CTC1: variants seen among roughly 807,000 people sequenced by gnomAD.
CTC1 encodes CST complex subunit CTC1.
In CTC1, 91 loss-of-function variants were observed where a neutral mutation model predicts 136.3. The ratio of observed to expected loss-of-function variants is 0.67; its 90% CI spans 0.56 to 0.79. The LOEUF is 0.79. Among genes scored for constraint, CTC1 ranks in the 30% least tolerant of loss-of-function variants. CTC1 has a pLI of 0.00. For synonymous variants in CTC1, 606 were observed against 613.8 expected, an observed-to-expected ratio of 0.99 and a Z score of 0.19; for missense variants, 1,432 against 1,498.1, an observed-to-expected ratio of 0.96 and a Z score of 0.73.
At position 8,234,397 on chromosome 17, in the gene CTC1, G is replaced by A. The variant is rs1424775160; in HGVS notation, c.1818+58C>T. On this transcript the variant is annotated intron_variant, in intron 10 of 22. Coordinates refer to ENST00000651323, the MANE Select transcript of CTC1 (RefSeq NM_025099.6). ...AAAGATAGTAACCGAGACTAGAGTC[G>A]TGGCAATAAGGATGACAAAAAGGGA... is the stretch of plus-strand genomic sequence containing the variant. 33 of 1,468,180 alleles carry A rather than the reference G, an allele frequency of 2.2e-5. No homozygotes were observed. The East Asian group carries it at 2.5e-4, about 11-fold the overall frequency. 90.9% of individuals were successfully genotyped at this position (1,468,180 alleles called of 1,614,324 possible). A position where few individuals can be genotyped will look rare whatever the true frequency, so the allele number is the denominator to read the frequency against.
At position 8,228,783 on chromosome 17, in the gene CTC1, C is replaced by T. The variant is rs374284337; in HGVS notation, c.3331G>A (p.Val1111Ile). The change falls in exon 21 of 23, where the codon GTC becomes ATC. Residue 1111 changes from valine (V) to isoleucine (I), a missense_variant. Physicochemically the swap from Val to Ile is conservative, Grantham distance 29 (BLOSUM62 3). Coordinates refer to ENST00000651323, the MANE Select transcript of CTC1 (RefSeq NM_025099.6). Reference protein sequence around the residue: ...PREWASLLDFVQVPGRVVLQF... With the variant: ...PREWASLLDFIQVPGRVVLQF... ...AAGACCACTCTGCCTGGCACTTGGA[C>T]GAAATCTAGGAGGGAGGCCCACTCT... 1.2e-5 allele frequency: 20 copies of T among 1,614,004 alleles called. No individual in the cohort carries two copies. Among genetic ancestry groups the T allele is most frequent in the Middle Eastern group, 1.6e-4 (1 of 6,080 alleles).
In CTC1 at chr17:8,229,079, T is replaced by C. The variant is rs909886338; in HGVS notation, c.3221+63A>G. On this transcript the variant is annotated intron_variant, in intron 20 of 22. Transcript: ENST00000651323. The stretch of plus-strand genomic sequence containing the variant: ...CCAGGAATTATGCTAATGTAGAAAC[T>C]GCAGATAGACAAAGTGGTCTCATAA... 3 of 1,552,492 alleles carry C rather than the reference T, an allele frequency of 1.9e-6. No homozygotes were observed. The African/African-American group carries it at 4.1e-5, about 21-fold the overall frequency.
At chr17:8,241,666 T>C (rs939915778) in intron 2 of CTC1, among the ~76,000 whole-genome samples, 11 of 150,618 alleles carry the variant, frequency 7.3e-5, no homozygotes, top group African/African-American at 2.2e-4. Flanking sequence ...TGCCAACACC[T>C]TGGGAGGCCA....
At chr17:8,238,900 G>A (rs566866387) in intron 2 of CTC1, among the ~76,000 whole-genome samples, 1 of 152,064 alleles carries the variant, frequency 6.6e-6, no homozygotes, top group African/African-American at 2.4e-5. Context: ...AGACCAGCCC[G>A]GCCAACATGG....
rs1321432417 is a variant in CTC1, at chr17:8,231,542, C to T, written c.2476-73G>A. On this transcript the variant is annotated intron_variant, in intron 14 of 22. Transcript: ENST00000651323. ...GTGGGAGGTTCACAAAACATTCTGA[C>T]CCAATTTTGTTCTTTCTGGAGCATG... The T allele has an allele frequency of 3.5e-6, 5 of 1,438,634 alleles. No individual in the cohort carries two copies. The East Asian group carries it at 6.9e-5, about 20-fold the overall frequency. 89.1% of individuals were successfully genotyped at this position (1,438,634 alleles called of 1,614,324 possible).
intron 17 of CTC1, 101 bp from the exon 18 acceptor site, chr17:8,230,069 T>G: frequency 8.6e-7 from 1 of 1,165,084 alleles, no homozygotes; most frequent in South Asian, 1.3e-5. Context: ...CCACTCCCCC[T>G]GAGGGACATA....
Position 8,226,604 on chromosome 17 carries a change from A to C in CTC1, c.*1576T>G, listed in dbSNP as rs530934469. ...TATGGTCAGTATGCTGAAGAAAAAAATATGACGTAGTCGGCAGGATTCGAA... is the reference window on the plus strand; with the variant it reads ...TATGGTCAGTATGCTGAAGAAAAAACTATGACGTAGTCGGCAGGATTCGAA... On this transcript the variant is annotated 3_prime_UTR_variant, in exon 23 of 23. Coordinates refer to ENST00000651323, the MANE Select transcript of CTC1 (RefSeq NM_025099.6). 4.6e-5 allele frequency: 7 copies of C among 152,220 alleles called. No homozygotes were observed. Among genetic ancestry groups the C allele is most frequent in the Non-Finnish European group, 1.0e-4 (7 of 68,046 alleles). The allele number at this position is 152,220 out of a possible 1,614,324, so 9.4% of individuals were successfully genotyped here.
intron 1 of CTC1, chr17:8,247,776 G>A (rs770807791): frequency 1.7e-6 from 1 of 576,910 alleles, no homozygotes; most frequent in Non-Finnish European, 3.2e-6. Context: ...TTAAACCCTA[G>A]AGAGTGAACG....
rs1010496365 is a variant in CTC1, at chr17:8,226,283, G to T, written c.*1897C>A. The T allele has an allele frequency of 6.6e-6, 1 of 152,270 alleles. No homozygotes were observed. Among genetic ancestry groups the T allele is most frequent in the African/African-American group, 2.4e-5 (1 of 41,434 alleles). The allele number at this position is 152,270 out of a possible 1,614,324, so 9.4% of individuals were successfully genotyped here. A position where few individuals can be genotyped will look rare whatever the true frequency, so the allele number is the denominator to read the frequency against. On this transcript the variant is annotated 3_prime_UTR_variant, in exon 23 of 23. Transcript: ENST00000651323. ...AGGATCTCCTGTTTACTAGACAGGC[G>T]CTTTAACCAACTAAGCCACGGCGCC...
chr17:8,231,629 G>C (rs1265769414), intron 14 of CTC1, 97 bp downstream of exon 14: 22 of 1,292,294 alleles, frequency 1.7e-5, no homozygotes, highest in Non-Finnish European at 2.3e-5. Flanking sequence ...CCTTCTTCCA[G>C]GAGGCCTAGA....
chr17:8,248,040 G>A lies in CTC1; in HGVS notation c.-4C>T, dbSNP rs1326764340. On this transcript the variant is annotated 5_prime_UTR_variant, in exon 1 of 23. Transcript: ENST00000651323. ...CCTGGGCCCGGCCAGCCGCCATGAT[G>A]CGCCGGAGCTCCGCCCCCGGGAGGG... 1.1e-5 allele frequency: 18 copies of A among 1,603,554 alleles called. No homozygotes were observed. The African/African-American group carries it at 2.1e-4, about 19-fold the overall frequency.
intron 20 of CTC1, 101 bp from the exon 21 acceptor site, chr17:8,228,993 C>T: frequency 1.3e-6 from 2 of 1,496,292 alleles, no homozygotes; most frequent in Non-Finnish European, 1.8e-6. Flanking sequence ...GTCTTTGGCT[C>T]ACAGATTTAG....
At chr17:8,231,237 A>T in intron 15 of CTC1, 39 bp downstream of exon 15, 2 of 1,466,076 alleles carry the variant, frequency 1.4e-6, no homozygotes, top group Non-Finnish European at 1.8e-6. Flanking sequence ...GAGAAGAGAG[A>T]GTGGCCAAAT....
chr17:8,232,895 G>C lies in CTC1; in HGVS notation c.1945+11C>G, dbSNP rs1228342840. The C allele has an allele frequency of 6.2e-7, 1 of 1,613,238 alleles. No homozygotes were observed. The highest frequency in any genetic ancestry group is 8.5e-7 in the Non-Finnish European group (1 of 1,179,648). ...CCACTACCATCTTCTTTCCACATCT[G>C]AACTCCAAACCTATCAGCCGTGGGT... On this transcript the variant is annotated intron_variant, in intron 11 of 22. Coordinates refer to ENST00000651323, the MANE Select transcript of CTC1 (RefSeq NM_025099.6).
intron 2 of CTC1, among the ~76,000 whole-genome samples, chr17:8,242,548 AAAAAAATATAT>A (rs1282289899): frequency 1.2e-3 from 97 of 79,414 alleles, no homozygotes; most frequent in African/African-American, 2.5e-3. Context: ...AAAAAAAAAA[AAAAAAATATAT>A]ATATATATAT....
chr17:8,240,472 T>TTAACACATAAAA (rs568987806), intron 2 of CTC1, among the ~76,000 whole-genome samples: 2,956 of 151,848 alleles, frequency 0.019, 103 homozygotes, highest in African/African-American at 0.068. Flanking sequence ...AAAGTAATCT[T>TTAACACATAAAA]AAGTGTTATG....
At chr17:8,236,481 T>G (rs767927778) in intron 5 of CTC1, 139 bp from the exon 6 acceptor site, 69 of 848,158 alleles carry the variant, frequency 8.1e-5, no homozygotes, top group Non-Finnish European at 1.1e-4. Context: ...TCCCTATGTC[T>G]GCCAACTAAA....
intron 10 of CTC1, among the ~76,000 whole-genome samples, chr17:8,233,776 A>G (rs1302912864): frequency 6.6e-6 from 1 of 151,316 alleles, no homozygotes; most frequent in African/African-American, 2.4e-5. Context: ...CCAAAAAAAT[A>G]AAAAAATAAA....
At position 8,231,923 on chromosome 17, in the gene CTC1, T is replaced by C; in HGVS notation, c.2365A>G (p.Asn789Asp). ...TTTACCTTCTGATCATTGTCGTCAT[T>C]TCCCTGGGGCTCGGGCAGCCCCCAT... ...TGWGLPEPQG[N>D]DDNDQKVHLI... is the part of the protein sequence containing the mutation. The change falls in exon 13 of 23, where the codon AAT becomes GAT. Residue 789 changes from asparagine (N) to aspartate (D), a missense_variant. By Grantham distance (23) the Asn-to-Asp change is conservative. Transcript: ENST00000651323. 1 of 1,613,534 alleles carries C rather than the reference T, an allele frequency of 6.2e-7. No individual in the cohort carries two copies. The highest frequency in any genetic ancestry group is 8.5e-7 in the Non-Finnish European group (1 of 1,179,760).
Sources: gnomAD v4.1 joint callset for allele counts (sites outside exome capture counted in the v4.1 genomes callset) on GRCh38, gnomAD v4.1.1 for gene constraint, MANE v1.5 for transcripts, NCBI Gene and HGNC (gene_info 2026-07-23, HGNC 2026-07-21) for gene names.